LTAP1: variants seen among roughly 807,000 people sequenced by gnomAD.
LTAP1 encodes lipid transport auxiliary protein 1.
chr1:154,207,740 A>T, the LTAP1 span: 1 of 1,063,536 alleles, frequency 9.4e-7, no homozygotes. Context: ...CAATAGTCAC[A>T]AATAGTTATT....
the LTAP1 span, chr1:154,212,149 GC>G: frequency 1.3e-6 from 1 of 744,382 alleles, no homozygotes; most frequent in East Asian, 2.6e-5. Flanking sequence ...GAACCACTGT[GC>G]CCGGCCGCAT....
chr1:154,213,072 C>T, the LTAP1 span: 5 of 161,168 alleles, frequency 3.1e-5, no homozygotes, highest in South Asian at 1.7e-4. Flanking sequence ...TTTGGGAGGC[C>T]GGGGCAGGCA....
chr1:154,212,364 A>G, the LTAP1 span: 2 of 1,614,156 alleles, frequency 1.2e-6, no homozygotes, highest in East Asian at 2.2e-5. Flanking sequence ...GTAGGTACTC[A>G]TTCTGGCCAA....
At chr1:154,214,626 C>T in the LTAP1 span, 1 of 1,188,774 alleles carries the variant, frequency 8.4e-7, no homozygotes, top group African/African-American at 1.5e-5. Flanking sequence ...CTCTGCTTTC[C>T]ACCAATGTGA....
the LTAP1 span, among the ~76,000 whole-genome samples, chr1:154,209,870 G>A: frequency 5.3e-5 from 8 of 151,788 alleles, no homozygotes; most frequent in African/African-American, 9.7e-5. Context: ...GATTACAGGC[G>A]TGAGCCACCA....
chr1:154,209,748 G>A, the LTAP1 span, among the ~76,000 whole-genome samples: 17 of 151,750 alleles, frequency 1.1e-4, no homozygotes, highest in African/African-American at 2.7e-4. Context: ...CACCACGCCC[G>A]GCTAATTTTT....
the LTAP1 span, among the ~76,000 whole-genome samples, chr1:154,219,657 G>A: frequency 6.6e-6 from 1 of 152,188 alleles, no homozygotes; most frequent in African/African-American, 2.4e-5. Context: ...GCTTGCCACA[G>A]CACTGAGCAG....
the LTAP1 span, chr1:154,212,471 C>T: frequency 4.3e-6 from 7 of 1,614,152 alleles, no homozygotes; most frequent in South Asian, 2.2e-5. Context: ...TGTCCCATAG[C>T]GGGCTGTTTC....
chr1:154,212,295 C>G, the LTAP1 span: 14 of 1,613,648 alleles, frequency 8.7e-6, no homozygotes, highest in African/African-American at 1.9e-4. Context: ...CCAGCTCCCT[C>G]TGACACGTTC....
the LTAP1 span, among the ~76,000 whole-genome samples, chr1:154,215,435 G>A: frequency 2.6e-5 from 4 of 151,846 alleles, no homozygotes; most frequent in African/African-American, 4.8e-5. Context: ...GCGTTGTGGC[G>A]GGGTCCTGTA....
At chr1:154,219,935 C>T in the LTAP1 span, 42 of 1,594,884 alleles carry the variant, frequency 2.6e-5, no homozygotes, top group Non-Finnish European at 3.5e-5. Flanking sequence ...GCAGTACAAA[C>T]ACCTGTCCAA....
At chr1:154,215,872 C>T in the LTAP1 span, among the ~76,000 whole-genome samples, 1 of 150,068 alleles carries the variant, frequency 6.7e-6, no homozygotes, top group South Asian at 2.1e-4. Context: ...GAGTCTCGCT[C>T]TGTCGCCCAG....
chr1:154,216,489 C>T, the LTAP1 span, among the ~76,000 whole-genome samples: 1 of 151,924 alleles, frequency 6.6e-6, no homozygotes, highest in Non-Finnish European at 1.5e-5. Context: ...CACACACCAC[C>T]ATGCATGGCT....
At chr1:154,211,638 T>C in the LTAP1 span, 3 of 151,778 alleles carry the variant, frequency 2.0e-5, no homozygotes, top group African/African-American at 7.3e-5. Flanking sequence ...CCCGGCCCAA[T>C]GTTATTTAAT....
chr1:154,211,767 G>A, the LTAP1 span: 1 of 154,224 alleles, frequency 6.5e-6, no homozygotes, highest in African/African-American at 2.4e-5. Flanking sequence ...ACATTTTATT[G>A]GGCTAAACAA....
chr1:154,209,019 A>C, the LTAP1 span, among the ~76,000 whole-genome samples: 1 of 152,316 alleles, frequency 6.6e-6, no homozygotes, highest in African/African-American at 2.4e-5. Context: ...AAGTGCTGGG[A>C]TTACAGCCGT....
chr1:154,219,869 TC>T, the LTAP1 span: 1 of 1,613,850 alleles, frequency 6.2e-7, no homozygotes, highest in Non-Finnish European at 8.5e-7. Context: ...GGACATGAGG[TC>T]CCCTTCGAGA....
chr1:154,216,081 C>T, the LTAP1 span, among the ~76,000 whole-genome samples: 1 of 152,076 alleles, frequency 6.6e-6, no homozygotes, highest in Non-Finnish European at 1.5e-5. Context: ...TCATGATCCA[C>T]CCGCCTCGGC....
At chr1:154,207,169 A>C in the LTAP1 span, 2 of 298,540 alleles carry the variant, frequency 6.7e-6, no homozygotes, top group Non-Finnish European at 1.3e-5. Flanking sequence ...GAAGATTTTT[A>C]AGAAGCTTTG....
Sources: allele counts gnomAD v4.1 joint callset (sites outside exome capture counted in the v4.1 genomes callset), GRCh38; gene constraint gnomAD v4.1.1; transcripts MANE v1.5; gene names NCBI Gene and HGNC (gene_info 2026-07-23, HGNC 2026-07-21).